The following PHF14 variants were observed in gnomAD, a reference collection of about 807,000 sequenced individuals.
PHF14 encodes PHD finger protein 14.
PHF14 carries 55 observed loss-of-function variants against 117.9 expected under a neutral mutation model. The observed-to-expected ratio is 0.47, with a 90% CI of 0.38 to 0.58. PHF14 has a LOEUF of 0.58. Ranked by LOEUF, PHF14 falls within the 20% of genes least tolerant of loss-of-function variation. The pLI, the probability that PHF14 is intolerant of heterozygous loss-of-function variation, is 0.00. For missense variants in PHF14, 978 were observed against 1,122.2 expected, an observed-to-expected ratio of 0.87 and a Z score of 1.84; for synonymous variants, 409 against 368.6, an observed-to-expected ratio of 1.11 and a Z score of -1.26.
chr7:10,978,250 GTAA>G (rs1781936433), intron 2 of PHF14, among the ~76,000 whole-genome samples: 1 of 152,102 alleles, frequency 6.6e-6, no homozygotes, highest in Non-Finnish European at 1.5e-5. Flanking sequence ...CAAAACAGTA[GTAA>G]TAATATTAGA....
chr7:11,157,389 C>A (rs201874434), intron 17 of PHF14, among the ~76,000 whole-genome samples: 43 of 146,792 alleles, frequency 2.9e-4, no homozygotes, highest in Non-Finnish European at 3.8e-4. Context: ...AATGGGTTAC[C>A]AAAAAAAAAA....
intron 17 of PHF14, among the ~76,000 whole-genome samples, chr7:11,140,900 A>G (rs1788380742): frequency 1.3e-5 from 2 of 152,132 alleles, no homozygotes; most frequent in Non-Finnish European, 1.5e-5. Context: ...TTCTTCATGT[A>G]AATGTCCAAA....
chr7:11,169,414 AG>A lies in PHF14; in HGVS notation c.2773del. 1.5e-6 allele frequency: 2 copies of A among 1,378,612 alleles called. No homozygotes were observed. The highest frequency in any genetic ancestry group is 2.0e-6 in the Non-Finnish European group (2 of 994,904). The allele number at this position is 1,378,612 out of a possible 1,614,324, so 85.4% of individuals were successfully genotyped here. On this transcript the variant is annotated splice_acceptor_variant, in intron 17 of 17. Coordinates refer to ENST00000634607, the MANE Select transcript of PHF14 (RefSeq NM_001007157.2). LOFTEE classifies it high-confidence loss of function. The stretch of plus-strand genomic sequence containing the variant: ...TAATGTTTTCTAAAATTTATTTCAC[AG>A]GAAGATGAAAATGAAGCTGAAAGAA...
At chr7:11,023,032 GT>G in intron 6 of PHF14, 53 bp downstream of exon 6, 1 of 944,196 alleles carries the variant, frequency 1.1e-6, no homozygotes, top group Non-Finnish European at 1.6e-6. Flanking sequence ...TTACTTGTTA[GT>G]TTACCTGGCT....
At chr7:11,086,989 G>A (rs192185794) in intron 16 of PHF14, among the ~76,000 whole-genome samples, 148 of 152,076 alleles carry the variant, frequency 9.7e-4, no homozygotes, top group Non-Finnish European at 1.5e-3. Flanking sequence ...TAATTTTTAC[G>A]TGGGGTAATA....
At chr7:11,139,129 G>T (rs557498304) in intron 17 of PHF14, among the ~76,000 whole-genome samples, 1 of 152,112 alleles carries the variant, frequency 6.6e-6, no homozygotes, top group Non-Finnish European at 1.5e-5. Context: ...CACTGAAATT[G>T]GCAGTAGAAA....
Position 11,062,090 on chromosome 7 carries a change from G to A in PHF14, c.2654+5G>A. 6.2e-7 allele frequency: 1 copy of A among 1,603,470 alleles called. No individual in the cohort carries two copies. The highest frequency in any genetic ancestry group is 8.5e-7 in the Non-Finnish European group (1 of 1,175,070). ...AGACAATGAAAATCTTGTCAGGTAAGTTGGATGCTAAAACCTTGTCTTTAG... is the reference window on the plus strand; with the variant it reads ...AGACAATGAAAATCTTGTCAGGTAAATTGGATGCTAAAACCTTGTCTTTAG... On this transcript the variant is annotated splice_donor_5th_base_variant and intron_variant, in intron 16 of 17. Coordinates refer to ENST00000634607, the MANE Select transcript of PHF14 (RefSeq NM_001007157.2).
intron 16 of PHF14, among the ~76,000 whole-genome samples, chr7:11,068,195 C>T (rs1480457508): frequency 6.6e-6 from 1 of 151,370 alleles, no homozygotes; most frequent in Non-Finnish European, 1.5e-5. Context: ...CTAAAAAATA[C>T]AAAAAATTAG....
chr7:11,051,816 A>G (rs186222732), intron 14 of PHF14, 36 bp downstream of exon 14: 2 of 1,566,178 alleles, frequency 1.3e-6, no homozygotes, highest in African/African-American at 1.4e-5. Flanking sequence ...GCATCATACA[A>G]TTCTGAGGCC....
At chr7:11,166,302 C>T (rs769700991) in intron 17 of PHF14, among the ~76,000 whole-genome samples, 18 of 151,316 alleles carry the variant, frequency 1.2e-4, no homozygotes, top group Admixed American at 2.6e-4. Context: ...CATTGGGAAA[C>T]AAACAGATGT....
At chr7:10,988,534 G>GTTTTT (rs34658159) in intron 3 of PHF14, among the ~76,000 whole-genome samples, 27 of 118,120 alleles carry the variant, frequency 2.3e-4, no homozygotes, top group South Asian at 2.8e-4. Flanking sequence ...TTTCTAGTCT[G>GTTTTT]TTTTTTTTTT....
intron 17 of PHF14, among the ~76,000 whole-genome samples, chr7:11,153,434 G>T (rs948634969): frequency 6.6e-6 from 1 of 152,040 alleles, no homozygotes; most frequent in African/African-American, 2.4e-5. Flanking sequence ...CAAGAATTTG[G>T]CTTTGTACAT....
intron 16 of PHF14, chr7:11,107,514 C>G (rs967337261): frequency 6.8e-5 from 60 of 878,896 alleles, no homozygotes; most frequent in Non-Finnish European, 7.9e-5. Flanking sequence ...TTCCTTTATG[C>G]TCTATAGTGT....
intron 4 of PHF14, among the ~76,000 whole-genome samples, chr7:11,011,394 G>GAT (rs1783353444): frequency 6.6e-6 from 1 of 152,074 alleles, no homozygotes; most frequent in African/African-American, 2.4e-5. Flanking sequence ...TCTTACATTG[G>GAT]ATATATATAA....
chr7:11,033,779 C>T (rs1045366633), intron 7 of PHF14, among the ~76,000 whole-genome samples: 1 of 152,120 alleles, frequency 6.6e-6, no homozygotes, highest in African/African-American at 2.4e-5. Context: ...TTATCTAGAT[C>T]TGGGTATTTG....
Position 11,062,004 on chromosome 7 carries a change from T to G in PHF14, c.2573T>G (p.Leu858Trp). ...GAGAGAAGACAAAGACAGTCTGTGT[T>G]GCAAAAGAAGCCCAAGGCTGAAGAT... ...PRERRQRQSVLQKKPKAEDLR... is the reference protein window; with the variant it reads ...PRERRQRQSVWQKKPKAEDLR... Residue 858 changes from leucine to tryptophan, a missense_variant, in exon 16 of 18, where the codon TTG (leucine) becomes TGG (tryptophan). This residue lies in a region of PHF14 where 180 missense variants were observed against 195.4 expected (regional missense o/e 0.92). Coordinates refer to ENST00000634607, the MANE Select transcript of PHF14 (RefSeq NM_001007157.2). 1 of 1,605,054 alleles carries G rather than the reference T, an allele frequency of 6.2e-7. No individual in the cohort carries two copies. The highest frequency in any genetic ancestry group is 8.5e-7 in the Non-Finnish European group (1 of 1,175,002).
chr7:11,051,845 A>G, intron 14 of PHF14, 65 bp downstream of exon 14: 1 of 1,356,464 alleles, frequency 7.4e-7, no homozygotes, highest in Non-Finnish European at 1.0e-6. Context: ...AGAGAGTGAG[A>G]AAGACACAGG....
At chr7:11,089,934 G>A (rs1786580068) in intron 16 of PHF14, among the ~76,000 whole-genome samples, 1 of 152,022 alleles carries the variant, frequency 6.6e-6, no homozygotes, top group Non-Finnish European at 1.5e-5. Context: ...GTCACGACCG[G>A]CTAATTTTGT....
intron 17 of PHF14, among the ~76,000 whole-genome samples, chr7:11,138,142 G>A (rs536963493): frequency 6.6e-5 from 10 of 151,120 alleles, no homozygotes; most frequent in Non-Finnish European, 1.3e-4. Context: ...CTGGATTCAC[G>A]CCATTCTCCT....
Sources: gnomAD v4.1 joint callset for allele counts (sites outside exome capture counted in the v4.1 genomes callset) on GRCh38, gnomAD v4.1.1 for gene constraint, gnomAD v4.1.1 regional missense constraint, MANE v1.5 for transcripts, NCBI Gene and HGNC (gene_info 2026-07-23, HGNC 2026-07-21) for gene names.